CEP164: variants seen among roughly 807,000 people sequenced by gnomAD.
The protein encoded by CEP164 is centrosomal protein 164, also known as centrosomal protein of 164 kDa.
Under a neutral mutation model 182.7 loss-of-function variants are expected in CEP164, and 162 were observed. The observed-to-expected ratio is 0.89, with a 90% CI of 0.78 to 1.01. The LOEUF (loss-of-function observed/expected upper bound fraction) is 1.01, where lower values mean the gene tolerates loss of function less well. CEP164 is among the 50% of genes least tolerant of loss of function. The pLI is 0.00. For missense variants in CEP164, 1,735 were observed against 1,790.4 expected, an observed-to-expected ratio of 0.97 and a Z score of 0.56; for synonymous variants, 661 against 690.0, an observed-to-expected ratio of 0.96 and a Z score of 0.66.
At chr11:117,345,294 C>T (rs2038720979) in intron 4 of CEP164, among the ~76,000 whole-genome samples, 1 of 152,156 alleles carries the variant, frequency 6.6e-6, no homozygotes, top group African/African-American at 2.4e-5. Flanking sequence ...CTGTCTTCCT[C>T]CTCCTCCTGA....
intron 4 of CEP164, among the ~76,000 whole-genome samples, chr11:117,345,052 C>T (rs2038694540): frequency 6.6e-6 from 1 of 152,070 alleles, no homozygotes; most frequent in African/African-American, 2.4e-5. Flanking sequence ...TTTCTGTGTC[C>T]CTTGGGAACA....
In CEP164 at chr11:117,327,893, C is replaced by G. The variant is rs11604880; in HGVS notation, c.-109C>G. On this transcript the variant is annotated 5_prime_UTR_variant, in exon 1 of 33. Transcript: ENST00000278935. ...GGCAACACCCCGGCGTCCCTGGAAG[C>G]TGGGGGAGCGGGTGGGTGTTGGGTG... 1 of 152,232 alleles carries G rather than the reference C, an allele frequency of 6.6e-6. No homozygotes were observed. Among genetic ancestry groups the G allele is most frequent in the Admixed American group, 6.5e-5 (1 of 15,282 alleles). 9.4% of individuals were successfully genotyped at this position (152,232 alleles called of 1,614,324 possible). A position where few individuals can be genotyped will look rare whatever the true frequency, so the allele number is the denominator to read the frequency against.
At chr11:117,356,344 C>T (rs1351786936) in intron 5 of CEP164, 2 of 1,164,540 alleles carry the variant, frequency 1.7e-6, no homozygotes, top group Non-Finnish European at 2.2e-6. Flanking sequence ...ACAGCGCCAG[C>T]ACAGTCTGTT....
chr11:117,324,856 G>A (rs901871261), upstream of CEP164, among the ~76,000 whole-genome samples: 2 of 152,090 alleles, frequency 1.3e-5, no homozygotes, highest in African/African-American at 4.8e-5. Context: ...ACAAAAATTA[G>A]CCTGGCATGG....
chr11:117,333,751 G>A (rs904322830), intron 1 of CEP164, among the ~76,000 whole-genome samples: 1 of 151,890 alleles, frequency 6.6e-6, no homozygotes, highest in African/African-American at 2.4e-5. Context: ...GCTCACGGTG[G>A]TCTTGAACTC....
chr11:117,349,923 C>T lies in CEP164; in HGVS notation c.195-1867C>T, dbSNP rs982699873. 4.8e-4 allele frequency among the ~76,000 whole-genome samples: 73 copies of T among 152,116 alleles called. 2 individuals are homozygous for T. Among genetic ancestry groups the T allele is most frequent in the African/African-American group, 1.3e-3 (55 of 41,484 alleles). ...CTGAGTAGCTGGGATTACAGGCACA[C>T]GCCACCATGCCTGGCTAATTTTTGT... On this transcript the variant is annotated intron_variant, in intron 4 of 32. Transcript: ENST00000278935.
intron 8 of CEP164, among the ~76,000 whole-genome samples, chr11:117,370,240 C>T (rs2042067704): frequency 6.6e-6 from 1 of 152,220 alleles, no homozygotes; most frequent in African/African-American, 2.4e-5. Context: ...AGGATGCTGT[C>T]TCCGAGGCTG....
At chr11:117,331,357 CCTT>C (rs2036178552) in intron 1 of CEP164, among the ~76,000 whole-genome samples, 1 of 152,176 alleles carries the variant, frequency 6.6e-6, no homozygotes, top group Non-Finnish European at 1.5e-5. Flanking sequence ...TACTATTAGA[CCTT>C]CTAATAGTTA....
rs1491256167 is a variant in CEP164, at chr11:117,354,020, TTC to T, written c.393+2034_393+2035del. On this transcript the variant is annotated intron_variant, in intron 5 of 32. Coordinates refer to ENST00000278935, the MANE Select transcript of CEP164 (RefSeq NM_014956.5). Reference sequence around the variant, plus strand: ...CTTCTTCTCCTTCTTCTTCTTCTTCTTCTTTTTTTTTTTTGAGACAGCATCTT... The same window carrying T: ...CTTCTTCTCCTTCTTCTTCTTCTTCTTTTTTTTTTTTTGAGACAGCATCTT... 2.8e-3 allele frequency among the ~76,000 whole-genome samples: 425 copies of T among 149,958 alleles called. 2 individuals carry two copies. Among genetic ancestry groups the T allele is most frequent in the African/African-American group, 9.4e-3 (382 of 40,660 alleles).
intron 10 of CEP164, 21 bp downstream of exon 10, chr11:117,373,852 G>A: frequency 1.2e-6 from 2 of 1,601,510 alleles, no homozygotes; most frequent in Non-Finnish European, 1.7e-6. Context: ...GATGAGGGCA[G>A]TAGAGTGGTG....
At chr11:117,389,698 T>G (rs1025271609) in intron 15 of CEP164, among the ~76,000 whole-genome samples, 1 of 152,180 alleles carries the variant, frequency 6.6e-6, no homozygotes, top group African/African-American at 2.4e-5. Flanking sequence ...GAATATGGGT[T>G]TGCCAGATAG....
intron 8 of CEP164, among the ~76,000 whole-genome samples, chr11:117,370,788 G>A (rs2042124634): frequency 6.6e-6 from 1 of 152,130 alleles, no homozygotes; most frequent in Admixed American, 6.5e-5. Flanking sequence ...GCACACACCT[G>A]TAGTCCCAGC....
chr11:117,409,935 C>T lies in CEP164; in HGVS notation c.4066C>T (p.Leu1356=), dbSNP rs1418823656. 2 of 1,614,194 alleles carry T rather than the reference C, an allele frequency of 1.2e-6. No homozygotes were observed. Among genetic ancestry groups the T allele is most frequent in the Middle Eastern group, 1.6e-4 (1 of 6,062 alleles). The change falls in exon 30 of 33, where the codon CTG becomes TTG. Residue 1356 remains leucine, a synonymous_variant. Transcript: ENST00000278935. The surrounding 1 kb of genome is among the most constrained non-coding windows in gnomAD (Gnocchi z 4.4). ...TGTGGCTCAAACGGTGGACGACTTC[C>T]TGTTGGAGAAGTGGCGCAAGTATTT... ...SSVAQTVDDF[L]LEKWRKYFPS... is the part of the protein sequence containing the mutation.
Position 117,352,005 on chromosome 11 carries a change from C to G in CEP164, c.393+17C>G. The G allele has an allele frequency of 6.4e-7, 1 of 1,555,286 alleles. No homozygotes were observed. Among genetic ancestry groups the G allele is most frequent in the Non-Finnish European group, 8.7e-7 (1 of 1,149,284 alleles). Reference sequence around the variant, plus strand: ...AGTTCGCTGGTGAGTCAGTGGATGCCTCCTCCCAGAGAGGCCAGGGCTGAA... The same window carrying G: ...AGTTCGCTGGTGAGTCAGTGGATGCGTCCTCCCAGAGAGGCCAGGGCTGAA... On this transcript the variant is annotated intron_variant, in intron 5 of 32. Transcript: ENST00000278935.
At chr11:117,339,526 T>G (rs958295937) in intron 3 of CEP164, among the ~76,000 whole-genome samples, 3 of 124,434 alleles carry the variant, frequency 2.4e-5, no homozygotes, top group Non-Finnish European at 3.4e-5. Flanking sequence ...TTTTTTGTTT[T>G]TTTTTTTTTT....
intron 14 of CEP164, chr11:117,384,777 A>T (rs1325500655): frequency 6.6e-6 from 1 of 152,198 alleles, no homozygotes; most frequent in East Asian, 1.9e-4. Context: ...CGGCATCAGG[A>T]ATGGATGGGT....
chr11:117,356,312 A>G, intron 5 of CEP164: 1 of 1,130,950 alleles, frequency 8.8e-7, no homozygotes, highest in South Asian at 1.8e-5. Flanking sequence ...GCCTGAGAGC[A>G]TGCAGGACAT....
rs1377631796 is a variant in CEP164, at chr11:117,396,040, C to G, written c.3090-14C>G. The G allele has an allele frequency of 2.5e-6, 4 of 1,614,064 alleles. No individual in the cohort carries two copies. Among genetic ancestry groups the G allele is most frequent in the Non-Finnish European group, 3.4e-6 (4 of 1,179,978 alleles). ...AGCCGCTGCCCTGCCTCTCACTCAT[C>G]TTTCCTTCCACAGCAGCCTGGAGGC... On this transcript the variant is annotated splice_polypyrimidine_tract_variant and intron_variant, in intron 24 of 32. Coordinates refer to ENST00000278935, the MANE Select transcript of CEP164 (RefSeq NM_014956.5).
chr11:117,363,609 C>T, intron 8 of CEP164, 103 bp downstream of exon 8: 2 of 763,454 alleles, frequency 2.6e-6, no homozygotes, highest in Non-Finnish European at 4.3e-6. Context: ...GGAAAAAGAA[C>T]CATTTTGTCC....
Sources: gnomAD v4.1 joint callset for allele counts (sites outside exome capture counted in the v4.1 genomes callset) on GRCh38, gnomAD v4.1.1 for gene constraint, Gnocchi (gnomAD v3.1) non-coding constraint, MANE v1.5 for transcripts, NCBI Gene and HGNC (gene_info 2026-07-23, HGNC 2026-07-21) for gene names.